MTMR8: variants seen among roughly 807,000 people sequenced by gnomAD.
MTMR8 encodes myotubularin related protein 8, also known as phosphatidylinositol-3,5-bisphosphate 3-phosphatase MTMR8.
MTMR8 carries 65 observed loss-of-function variants against 39.3 expected under a neutral mutation model. The observed-to-expected ratio is 1.65, with a 90% CI of 1.35 to 2.03. The LOEUF (loss-of-function observed/expected upper bound fraction) is 2.03, where lower values mean the gene tolerates loss of function less well. Ranked by LOEUF, MTMR8 falls within the 30% of genes most tolerant of loss-of-function variation. The pLI, the probability that MTMR8 is intolerant of heterozygous loss-of-function variation, is 0.00. For missense variants in MTMR8, 777 were observed against 538.9 expected, an observed-to-expected ratio of 1.44 and a Z score of -4.37; for synonymous variants, 245 against 185.2, an observed-to-expected ratio of 1.32 and a Z score of -2.62.
intron 12 of MTMR8, among the ~76,000 whole-genome samples, chrX:64,272,700 T>C (rs1288117574): frequency 1.8e-5 from 2 of 110,461 alleles, no homozygotes; most frequent in Non-Finnish European, 3.8e-5. Flanking sequence ...ACGATGAATC[T>C]AAAGAAATCC....
At chrX:64,364,993 A>C (rs1289382708) in intron 1 of MTMR8, among the ~76,000 whole-genome samples, 1 of 111,653 alleles carries the variant, frequency 9.0e-6, no homozygotes. Flanking sequence ...GATTCGATCA[A>C]GTGGAAGAAA....
intron 1 of MTMR8, among the ~76,000 whole-genome samples, chrX:64,378,533 G>C: frequency 8.9e-6 from 1 of 112,373 alleles, no homozygotes; most frequent in Admixed American, 9.4e-5. Flanking sequence ...ACACTTGAAT[G>C]TAACAACACA....
intron 1 of MTMR8, among the ~76,000 whole-genome samples, chrX:64,364,544 C>A (rs977340549): frequency 2.7e-5 from 3 of 112,053 alleles, no homozygotes; most frequent in Admixed American, 9.5e-5. Context: ...GGAAAAGTAA[C>A]AAACAGAAAG....
chrX:64,269,943 G>T (rs1931721616), intron 13 of MTMR8, among the ~76,000 whole-genome samples: 1 of 111,491 alleles, frequency 9.0e-6, no homozygotes, highest in Non-Finnish European at 1.9e-5. Flanking sequence ...TATGTGAAAT[G>T]AATCTGATTC....
At chrX:64,392,240 A>G (rs1924708509) in intron 1 of MTMR8, among the ~76,000 whole-genome samples, 1 of 112,311 alleles carries the variant, frequency 8.9e-6, no homozygotes, top group Non-Finnish European at 1.9e-5. Context: ...ATATACCAAC[A>G]AAAATGTATA....
intron 8 of MTMR8, among the ~76,000 whole-genome samples, chrX:64,341,508 A>G (rs1923217906): frequency 1.9e-5 from 2 of 107,665 alleles, no homozygotes; most frequent in African/African-American, 6.8e-5. Context: ...AAAAAAGAGT[A>G]TGCACAGTAT....
chrX:64,348,538 G>T (rs1423476852), intron 6 of MTMR8, 122 bp downstream of exon 6: 4 of 881,281 alleles, frequency 4.5e-6, no homozygotes, highest in East Asian at 3.3e-5. Context: ...TTTACACAAT[G>T]TCTGACATAA....
At chrX:64,310,149 C>T (rs1922251396) in intron 12 of MTMR8, among the ~76,000 whole-genome samples, 1 of 112,179 alleles carries the variant, frequency 8.9e-6, no homozygotes, top group African/African-American at 3.2e-5. Context: ...AACCGTGACA[C>T]TGCTTTTTCA....
intron 1 of MTMR8, among the ~76,000 whole-genome samples, chrX:64,364,340 C>A (rs887373927): frequency 8.9e-6 from 1 of 111,805 alleles, no homozygotes; most frequent in African/African-American, 3.3e-5. Flanking sequence ...CCAGTAGGGG[C>A]CGAATGATAC....
At chrX:64,380,491 T>C (rs1924383458) in intron 1 of MTMR8, among the ~76,000 whole-genome samples, 1 of 112,645 alleles carries the variant, frequency 8.9e-6, no homozygotes, top group Admixed American at 9.4e-5. Flanking sequence ...GGTGATTCCA[T>C]TGTGTAGCCA....
Position 64,356,285 on chromosome X carries a change from AC to A in MTMR8, c.200del (p.Gly67ValfsTer4), listed in dbSNP as rs1254707534. On this transcript the variant is annotated frameshift_variant, in exon 3 of 14. Coordinates refer to ENST00000374852, the MANE Select transcript of MTMR8 (RefSeq NM_017677.4). LOFTEE classifies it high-confidence loss of function. Reference sequence around the variant, plus strand: ...TCTTGCAGCGGAGGGTCAGGGGACAACCCAGGCTAGTGATGGGTAACTTCTC... The same window carrying A: ...TCTTGCAGCGGAGGGTCAGGGGACAACCAGGCTAGTGATGGGTAACTTCTC... ...TVEKLPITSL[G>X]CPLTLRCKNF... 2 of 1,209,840 alleles carry A rather than the reference AC, an allele frequency of 1.7e-6. No individual in the cohort carries two copies. Among genetic ancestry groups the A allele is most frequent in the South Asian group, 1.8e-5 (1 of 56,532 alleles).
chrX:64,320,089 G>A (rs1276211615), intron 12 of MTMR8, among the ~76,000 whole-genome samples: 1 of 111,119 alleles, frequency 9.0e-6, no homozygotes, highest in Non-Finnish European at 1.9e-5. Context: ...TTGAGCAGTG[G>A]TTTGTAGTTC....
intron 12 of MTMR8, among the ~76,000 whole-genome samples, chrX:64,286,959 C>T (rs1356145107): frequency 2.7e-5 from 3 of 111,221 alleles, no homozygotes; most frequent in South Asian, 7.6e-4. Context: ...GAAGTTCTGG[C>T]CAGGGCAATC....
chrX:64,371,875 C>T (rs1479033794), intron 1 of MTMR8, among the ~76,000 whole-genome samples: 1 of 110,106 alleles, frequency 9.1e-6, no homozygotes, highest in East Asian at 2.8e-4. Context: ...GTGCCTTTCA[C>T]ATATTAAGTG....
At chrX:64,296,573 G>GTT (rs59765267) in intron 12 of MTMR8, among the ~76,000 whole-genome samples, 9 of 90,922 alleles carry the variant, frequency 9.9e-5, no homozygotes, top group African/African-American at 2.4e-4. Context: ...CCCTATGCTG[G>GTT]TTTTTTTTTT....
intron 12 of MTMR8, chrX:64,305,470 C>A (rs1233009694): frequency 3.3e-6 from 1 of 300,627 alleles, no homozygotes; most frequent in Non-Finnish European, 6.0e-6. Context: ...CATACTGCCT[C>A]TTTATTAATT....
At chrX:64,345,010 T>G in intron 7 of MTMR8, 35 bp downstream of exon 7, 1 of 1,200,368 alleles carries the variant, frequency 8.3e-7, no homozygotes, top group African/African-American at 1.7e-5. Flanking sequence ...CGCAAAGCTA[T>G]GGCCGCTTGC....
chrX:64,377,469 T>A (rs1924300625), intron 1 of MTMR8, among the ~76,000 whole-genome samples: 1 of 112,611 alleles, frequency 8.9e-6, no homozygotes, highest in East Asian at 2.8e-4. Flanking sequence ...AGACATACAG[T>A]CAAAGGAGAT....
Position 64,356,316 on chromosome X carries a change from G to T in MTMR8, c.170C>A (p.Thr57Asn). The T allele has an allele frequency of 8.3e-7, 1 of 1,205,049 alleles. No homozygotes were observed. The highest frequency in any genetic ancestry group is 1.1e-6 in the Non-Finnish European group (1 of 893,441). The change falls in exon 3 of 14, where the codon ACT becomes AAT. Residue 57 changes from threonine to asparagine, a missense_variant. Physicochemically the swap from Thr to Asn is moderately conservative, Grantham distance 65 (BLOSUM62 0). Coordinates refer to ENST00000374852, the MANE Select transcript of MTMR8 (RefSeq NM_017677.4). ...ETWIALHHIATVEKLPITSLG... is the reference protein window; with the variant it reads ...ETWIALHHIANVEKLPITSLG... ...GCTAGTGATGGGTAACTTCTCCACA[G>T]TGGCAATGTGATGGAGTGCAATCTG... is the stretch of plus-strand genomic sequence containing the variant.
Sources: allele counts gnomAD v4.1 joint callset (sites outside exome capture counted in the v4.1 genomes callset), GRCh38; gene constraint gnomAD v4.1.1; transcripts MANE v1.5; gene names NCBI Gene and HGNC (gene_info 2026-07-23, HGNC 2026-07-21).